RBFOX1: variants seen among roughly 807,000 people sequenced by gnomAD.
RBFOX1 encodes RNA binding fox-1 homolog 1.
In RBFOX1, 8 loss-of-function variants were observed where a neutral mutation model predicts 57.7. The ratio of observed to expected loss-of-function variants is 0.14; its 90% CI spans 0.08 to 0.25. The LOEUF (loss-of-function observed/expected upper bound fraction) is 0.25, where lower values mean the gene tolerates loss of function less well. RBFOX1 is among the 10% of genes least tolerant of loss of function. RBFOX1 has a pLI of 1.00. For synonymous variants in RBFOX1, 326 were observed against 222.4 expected, an observed-to-expected ratio of 1.47 and a Z score of -4.15; for missense variants, 611 against 548.5, an observed-to-expected ratio of 1.11 and a Z score of -1.14.
intron 4 of RBFOX1, among the ~76,000 whole-genome samples, chr16:7,198,303 C>T (rs963009502): frequency 1.3e-5 from 2 of 152,140 alleles, no homozygotes; most frequent in Non-Finnish European, 2.9e-5. Context: ...CCGCACATGG[C>T]CAATATACCC....
intron 3 of RBFOX1, among the ~76,000 whole-genome samples, chr16:6,871,427 C>G (rs2060857996): frequency 6.6e-6 from 1 of 152,138 alleles, no homozygotes; most frequent in South Asian, 2.1e-4. Context: ...GTCAAATGAT[C>G]TGCTCACCTC....
intron 4 of RBFOX1, among the ~76,000 whole-genome samples, chr16:7,251,100 C>T (rs923752327): frequency 6.6e-6 from 1 of 152,140 alleles, no homozygotes; most frequent in African/African-American, 2.4e-5. Context: ...CAAAAGATTT[C>T]TTGAAACTAT....
At chr16:5,775,078 A>G (rs907148598) in intron 3 of RBFOX1, among the ~76,000 whole-genome samples, 5 of 152,204 alleles carry the variant, frequency 3.3e-5, no homozygotes, top group African/African-American at 1.2e-4. Flanking sequence ...CAGTGCTTAT[A>G]AAGTCACAGT....
chr16:5,889,061 T>C (rs2057976583), intron 4 of RBFOX1, among the ~76,000 whole-genome samples: 1 of 152,190 alleles, frequency 6.6e-6, no homozygotes, highest in Admixed American at 6.5e-5. Context: ...AAAATGTCAC[T>C]ACGTAGTCAT....
chr16:7,367,228 G>C (rs536778968), intron 4 of RBFOX1, among the ~76,000 whole-genome samples: 1 of 152,152 alleles, frequency 6.6e-6, no homozygotes, highest in Non-Finnish European at 1.5e-5. Flanking sequence ...TTGCAAAGAC[G>C]AGACTGTAAA....
rs553031044 is a variant in RBFOX1, at chr16:6,933,219, C to G, written c.-15-118838C>G. On this transcript the variant is annotated intron_variant, in intron 3 of 15. Coordinates refer to ENST00000550418, the MANE Select transcript of RBFOX1 (RefSeq NM_018723.4). ...ATGAACGGGAGTGTACAATACCTTT[C>G]AGAGTCCCTGCTTTCAGTTGTCTTG... Among the ~76,000 whole-genome samples the G allele has an allele frequency of 2.6e-5, 4 of 152,328 alleles. No homozygotes were observed. In the South Asian group the frequency reaches 8.3e-4, roughly 32 times the overall value.
chr16:5,528,745 G>C (rs1191667537), intron 2 of RBFOX1, among the ~76,000 whole-genome samples: 1 of 151,500 alleles, frequency 6.6e-6, no homozygotes, highest in Non-Finnish European at 1.5e-5. Flanking sequence ...CACCTCCCAG[G>C]TTCAAGCGAT....
chr16:7,158,396 T>A (rs1264036264), intron 4 of RBFOX1, among the ~76,000 whole-genome samples: 1 of 152,186 alleles, frequency 6.6e-6, no homozygotes, highest in African/African-American at 2.4e-5. Context: ...CAGTGATTGA[T>A]CTTACTGATG....
intron 5 of RBFOX1, among the ~76,000 whole-genome samples, chr16:7,548,537 C>G (rs575226764): frequency 6.6e-6 from 1 of 152,344 alleles, no homozygotes; most frequent in East Asian, 1.9e-4. Flanking sequence ...CTCCATCCCT[C>G]AAGGAACTCA....
chr16:5,747,613 G>C (rs1206177283), intron 3 of RBFOX1, among the ~76,000 whole-genome samples: 1 of 152,096 alleles, frequency 6.6e-6, no homozygotes, highest in Non-Finnish European at 1.5e-5. Flanking sequence ...TCTTGGGAGG[G>C]TGTATGTGTT....
chr16:7,437,285 C>G (rs1054385038), intron 4 of RBFOX1, among the ~76,000 whole-genome samples: 4 of 146,012 alleles, frequency 2.7e-5, no homozygotes, highest in African/African-American at 1.0e-4. Flanking sequence ...AAATTAGTAT[C>G]CTTCTTCTCC....
chr16:7,190,715 G>T (rs2085160787), intron 4 of RBFOX1, among the ~76,000 whole-genome samples: 1 of 146,724 alleles, frequency 6.8e-6, no homozygotes, highest in Non-Finnish European at 1.5e-5. Context: ...CAGATCCACT[G>T]TGTTCTCCTG....
At chr16:7,256,428 T>C (rs2153045607) in intron 4 of RBFOX1, among the ~76,000 whole-genome samples, 1 of 152,322 alleles carries the variant, frequency 6.6e-6, no homozygotes, top group Admixed American at 6.5e-5. Flanking sequence ...AAGCCTACAC[T>C]AGTTTGTCTC....
chr16:7,499,955 A>G (rs959771790), intron 4 of RBFOX1, among the ~76,000 whole-genome samples: 2 of 152,008 alleles, frequency 1.3e-5, no homozygotes, highest in African/African-American at 4.8e-5. Flanking sequence ...AATAAGGGAA[A>G]CATCTTCCAT....
intron 2 of RBFOX1, among the ~76,000 whole-genome samples, chr16:6,344,690 C>A (rs1401385967): frequency 7.0e-6 from 1 of 142,130 alleles, no homozygotes; most frequent in East Asian, 2.0e-4. Context: ...AGCCACCGAG[C>A]CCGGTTTTTT....
At chr16:6,141,140 C>T (rs981171259) in intron 1 of RBFOX1, among the ~76,000 whole-genome samples, 14 of 152,158 alleles carry the variant, frequency 9.2e-5, no homozygotes, top group African/African-American at 3.4e-4. Context: ...CTGAACTTGA[C>T]CCTCCTTTGT....
intron 3 of RBFOX1, among the ~76,000 whole-genome samples, chr16:7,037,597 G>A (rs1365482456): frequency 6.6e-6 from 1 of 152,180 alleles, no homozygotes; most frequent in African/African-American, 2.4e-5. Context: ...TTACTTTCTT[G>A]TAGTGAAAAG....
chr16:7,618,107 G>A (rs1424503485), intron 10 of RBFOX1, among the ~76,000 whole-genome samples: 2 of 152,152 alleles, frequency 1.3e-5, no homozygotes, highest in Non-Finnish European at 2.9e-5. Flanking sequence ...ATATTGATCT[G>A]TTGAGATTAG....
At chr16:6,091,965 A>G (rs1012762669) in intron 1 of RBFOX1, among the ~76,000 whole-genome samples, 2 of 152,116 alleles carry the variant, frequency 1.3e-5, no homozygotes, top group African/African-American at 2.4e-5. Context: ...CTACCCATGC[A>G]TCTATGTGTC....
Sources: gnomAD v4.1 joint callset for allele counts (sites outside exome capture counted in the v4.1 genomes callset) on GRCh38, gnomAD v4.1.1 for gene constraint, MANE v1.5 for transcripts, NCBI Gene and HGNC (gene_info 2026-07-23, HGNC 2026-07-21) for gene names.